The following ELMO1 variants were observed in gnomAD, a reference collection of about 807,000 sequenced individuals.
The protein encoded by ELMO1 is engulfment and cell motility 1.
Under a neutral mutation model 98.9 loss-of-function variants are expected in ELMO1, and 26 were observed. That is an observed-to-expected ratio of 0.26 (90% CI 0.19 to 0.36). The LOEUF is 0.36. ELMO1 is among the 10% of genes least tolerant of loss of function. The pLI is 1.00. For synonymous variants in ELMO1, 346 were observed against 346.0 expected (o/e 1.00, Z 0.00); for missense variants, 627 against 935.2 (o/e 0.67, Z 4.30).
intron 14 of ELMO1, among the ~76,000 whole-genome samples, chr7:37,115,343 T>A (rs1356281924): frequency 2.6e-5 from 4 of 152,132 alleles, no homozygotes; most frequent in Non-Finnish European, 5.9e-5. Context: ...AATGTAAATA[T>A]CCTTCACAAA....
intron 16 of ELMO1, among the ~76,000 whole-genome samples, chr7:36,975,919 T>A (rs1329883306): frequency 6.6e-6 from 1 of 152,010 alleles, no homozygotes; most frequent in Admixed American, 6.5e-5. Flanking sequence ...ACAATAGTGA[T>A]TTGAGATCCA....
At chr7:37,320,511 C>CT (rs1466650806) in intron 2 of ELMO1, among the ~76,000 whole-genome samples, 1 of 152,196 alleles carries the variant, frequency 6.6e-6, no homozygotes, top group Non-Finnish European at 1.5e-5. Context: ...ACAAGGGACT[C>CT]TTACTTACCA....
chr7:37,058,341 T>A (rs1796497962), intron 15 of ELMO1, among the ~76,000 whole-genome samples: 1 of 152,220 alleles, frequency 6.6e-6, no homozygotes. Flanking sequence ...AGAGATTTTT[T>A]AGCTAGCTTA....
At chr7:37,363,849 G>A (rs1801794159) in intron 1 of ELMO1, among the ~76,000 whole-genome samples, 1 of 152,124 alleles carries the variant, frequency 6.6e-6, no homozygotes, top group Admixed American at 6.5e-5. Context: ...CAGGGCTTAG[G>A]AATCAGGGTA....
intron 16 of ELMO1, among the ~76,000 whole-genome samples, chr7:36,920,997 C>G (rs537394858): frequency 1.3e-5 from 2 of 152,242 alleles, no homozygotes; most frequent in African/African-American, 4.8e-5. Flanking sequence ...GAAGATTCTG[C>G]TGTAATGAAT....
At chr7:37,020,789 C>A (rs1293459670) in intron 15 of ELMO1, among the ~76,000 whole-genome samples, 1 of 152,172 alleles carries the variant, frequency 6.6e-6, no homozygotes, top group African/African-American at 2.4e-5. Context: ...CTTTGAAAAA[C>A]ACACGCACTG....
chr7:37,303,901 T>C (rs1798474234), intron 4 of ELMO1, among the ~76,000 whole-genome samples: 1 of 152,222 alleles, frequency 6.6e-6, no homozygotes, highest in South Asian at 2.1e-4. Context: ...ATCATCTTGT[T>C]ATAGCCTCTA....
intron 15 of ELMO1, among the ~76,000 whole-genome samples, chr7:37,050,643 C>CACAG (rs1224077947): frequency 6.6e-6 from 1 of 151,160 alleles, no homozygotes; most frequent in Non-Finnish European, 1.5e-5. Context: ...CACACACACA[C>CACAG]ACACACACAC....
intron 1 of ELMO1, among the ~76,000 whole-genome samples, chr7:37,440,011 C>T (rs1462972287): frequency 1.3e-5 from 2 of 152,040 alleles, no homozygotes; most frequent in Admixed American, 1.3e-4. Context: ...CTTTCTCTCA[C>T]ACACACATAT....
intron 16 of ELMO1, among the ~76,000 whole-genome samples, chr7:36,926,252 G>A (rs944654124): frequency 6.6e-6 from 1 of 152,174 alleles, no homozygotes; most frequent in East Asian, 1.9e-4. Flanking sequence ...CAGGACAATC[G>A]CAGATAGTCC....
At chr7:37,213,762 G>A (rs773358654) in intron 11 of ELMO1, among the ~76,000 whole-genome samples, 2 of 152,240 alleles carry the variant, frequency 1.3e-5, no homozygotes, top group Admixed American at 6.5e-5. Flanking sequence ...TGAAATGGGG[G>A]TGTCTCCAAG....
intron 4 of ELMO1, among the ~76,000 whole-genome samples, chr7:37,313,271 C>A (rs187364696): frequency 1.3e-5 from 2 of 152,328 alleles, no homozygotes; most frequent in East Asian, 3.9e-4. Context: ...GTCGCTCAGG[C>A]TGGAGTGCAG....
chr7:37,234,734 G>A (rs1457328406), intron 7 of ELMO1, among the ~76,000 whole-genome samples: 4 of 152,100 alleles, frequency 2.6e-5, no homozygotes, highest in African/African-American at 4.8e-5. Context: ...GAGATTTTTG[G>A]AGAAATGAAA....
chr7:36,938,463 G>A (rs879687470), intron 16 of ELMO1, among the ~76,000 whole-genome samples: 1 of 152,186 alleles, frequency 6.6e-6, no homozygotes, highest in Admixed American at 6.5e-5. Context: ...AATCACAGAT[G>A]ATGTCTTTTT....
intron 15 of ELMO1, among the ~76,000 whole-genome samples, chr7:37,030,269 C>T (rs1165032609): frequency 6.6e-6 from 1 of 152,160 alleles, no homozygotes; most frequent in South Asian, 2.1e-4. Context: ...CAAGTTGATA[C>T]TCTCAGGCAT....
intron 14 of ELMO1, among the ~76,000 whole-genome samples, chr7:37,111,691 A>G (rs1785258121): frequency 6.6e-6 from 1 of 152,238 alleles, no homozygotes; most frequent in Non-Finnish European, 1.5e-5. Flanking sequence ...GTACAATGAT[A>G]GTGAGAATTC....
intron 15 of ELMO1, among the ~76,000 whole-genome samples, chr7:37,026,860 T>G (rs1794610230): frequency 6.6e-6 from 1 of 152,216 alleles, no homozygotes; most frequent in Non-Finnish European, 1.5e-5. Flanking sequence ...GAGGCTGGCT[T>G]TGTCATGTCT....
chr7:37,414,723 G>A (rs1452168074), intron 1 of ELMO1, among the ~76,000 whole-genome samples: 1 of 152,146 alleles, frequency 6.6e-6, no homozygotes. Flanking sequence ...TATTGTTTAA[G>A]CCAGTCGGCA....
chr7:37,106,493 C>T (rs910271442), intron 14 of ELMO1, among the ~76,000 whole-genome samples: 6 of 152,240 alleles, frequency 3.9e-5, no homozygotes, highest in South Asian at 2.1e-4. Flanking sequence ...ACACCAAGCC[C>T]GCTGATGCCT....
Sources: allele counts gnomAD v4.1 joint callset (sites outside exome capture counted in the v4.1 genomes callset), GRCh38; gene constraint gnomAD v4.1.1; transcripts MANE v1.5; gene names NCBI Gene and HGNC (gene_info 2026-07-23, HGNC 2026-07-21).